Variants in KRT79 observed in about 807,000 individuals in gnomAD.
KRT79 encodes keratin 79.
Under a neutral mutation model 49.0 loss-of-function variants are expected in KRT79, and 51 were observed. The ratio of observed to expected loss-of-function variants is 1.04; its 90% CI spans 0.83 to 1.31. The LOEUF (loss-of-function observed/expected upper bound fraction) is 1.31. KRT79 is among the 40% of genes most tolerant of loss of function. KRT79 has a pLI of 0.00. For synonymous variants in KRT79, 312 were observed against 286.6 expected, an observed-to-expected ratio of 1.09 and a Z score of -0.90; for missense variants, 728 against 688.0, an observed-to-expected ratio of 1.06 and a Z score of -0.65.
In KRT79 at chr12:52,823,820, C is replaced by G. The variant is rs201910271; in HGVS notation, c.1146+67G>C. 1.9e-6 allele frequency: 3 copies of G among 1,548,512 alleles called. No individual in the cohort carries two copies. In the African/African-American group the frequency reaches 4.2e-5, roughly 21 times the overall value. On this transcript the variant is annotated intron_variant, in intron 6 of 8. Transcript: ENST00000330553. ...CAGGAGAAGAGCAGGCCTAGCCCCT[C>G]GGGGTGACAATGAGAAGGCCCTGCC...
At position 52,834,274 on chromosome 12, in the gene KRT79, C is replaced by T; in HGVS notation, c.-14G>A. ...GGAGGACCTCATAGCTGCAGAGGGG[C>T]CGGAGGGCAGGATGAGAGGGCAGGA... On this transcript the variant is annotated 5_prime_UTR_variant, in exon 1 of 9. Transcript: ENST00000330553. 3 of 1,603,342 alleles carry T rather than the reference C, an allele frequency of 1.9e-6. No individual in the cohort carries two copies. The highest frequency in any genetic ancestry group is 3.9e-4 in the Middle Eastern group (2 of 5,108).
At chr12:52,826,372 G>A (rs182898203) in intron 4 of KRT79, among the ~76,000 whole-genome samples, 10 of 152,006 alleles carry the variant, frequency 6.6e-5, no homozygotes, top group Admixed American at 2.0e-4. Flanking sequence ...AATTAGCCAG[G>A]CATGGTGACG....
intron 4 of KRT79, among the ~76,000 whole-genome samples, chr12:52,828,646 T>G (rs1477010614): frequency 6.6e-6 from 1 of 152,202 alleles, no homozygotes; most frequent in Non-Finnish European, 1.5e-5. Context: ...ATACAGGAAG[T>G]TGGAGGAGAG....
At chr12:52,824,118 G>A in intron 5 of KRT79, 80 bp downstream of exon 5, 1 of 1,611,974 alleles carries the variant, frequency 6.2e-7, no homozygotes, top group South Asian at 1.1e-5. Flanking sequence ...GACTCCAAGG[G>A]TCCCAGAGGC....
rs1940288394 is a variant in KRT79, at chr12:52,833,643, G to A, written c.477+141C>T. 1.9e-5 allele frequency: 14 copies of A among 755,914 alleles called. No homozygotes were observed. The East Asian group carries it at 2.7e-4, about 15-fold the overall frequency. 46.8% of individuals were successfully genotyped at this position (755,914 alleles called of 1,614,324 possible). A position where few individuals can be genotyped will look rare whatever the true frequency, so the allele number is the denominator to read the frequency against. On this transcript the variant is annotated intron_variant, in intron 1 of 8. Transcript: ENST00000330553. The stretch of plus-strand genomic sequence containing the variant: ...AGCCACCCACGTCTCGGCATCCCAG[G>A]CTCAGACCGGGAGAGCTCCAGAGCT...
At position 52,829,107 on chromosome 12, in the gene KRT79, T is replaced by C. The variant is rs137950247; in HGVS notation, c.855+916A>G. ...TGATAGGGTTATGTCAGGGATATCA[T>C]AGAAATTGTTCTTGCACTGGATGGA... On this transcript the variant is annotated intron_variant, in intron 4 of 8. Transcript: ENST00000330553. Among the ~76,000 whole-genome samples the C allele has an allele frequency of 5.9e-3, 892 of 152,336 alleles. 13 individuals are homozygous for C. The highest frequency in any genetic ancestry group is 0.02 in the African/African-American group (843 of 41,580).
Position 52,822,383 on chromosome 12 carries a change from G to A in KRT79, c.1368-4C>T, listed in dbSNP as rs773710863. ...ACTGGGACATTCTCCAGACATCCTAGGGGACACAGAAAGGCCAGGAGAGCA... is the reference window on the plus strand; with the variant it reads ...ACTGGGACATTCTCCAGACATCCTAAGGGACACAGAAAGGCCAGGAGAGCA... On this transcript the variant is annotated splice_polypyrimidine_tract_variant and splice_region_variant and intron_variant, in intron 7 of 8. Transcript: ENST00000330553. 12 of 1,587,292 alleles carry A rather than the reference G, an allele frequency of 7.6e-6. No individual in the cohort carries two copies. Among genetic ancestry groups the A allele is most frequent in the South Asian group, 1.2e-5 (1 of 86,242 alleles).
chr12:52,823,848 C>A (rs1940136485), intron 6 of KRT79, 39 bp downstream of exon 6: 2 of 1,592,722 alleles, frequency 1.3e-6, no homozygotes, highest in Non-Finnish European at 1.7e-6. Context: ...GCCCTGCCAA[C>A]ACCTAGGCCA....
At chr12:52,822,577 G>T (rs1478050148) in intron 7 of KRT79, among the ~76,000 whole-genome samples, 198 bp from the exon 8 acceptor site, 1 of 152,206 alleles carries the variant, frequency 6.6e-6, no homozygotes, top group East Asian at 1.9e-4. Context: ...CCACCAGTAG[G>T]CTGTGCCAAC....
intron 6 of KRT79, 99 bp downstream of exon 6, chr12:52,823,788 T>C (rs1026736063): frequency 2.2e-6 from 3 of 1,349,058 alleles, no homozygotes; most frequent in Non-Finnish European, 3.0e-6. Context: ...CATTCTATTG[T>C]GTCCGTCAGG....
Position 52,823,247 on chromosome 12 carries a change from G to C in KRT79, c.1147-11C>G. 1.2e-6 allele frequency: 2 copies of C among 1,612,850 alleles called. No individual in the cohort carries two copies. The highest frequency in any genetic ancestry group is 8.5e-7 in the Non-Finnish European group (1 of 1,179,046). On this transcript the variant is annotated splice_polypyrimidine_tract_variant and intron_variant, in intron 6 of 8. Transcript: ENST00000330553. ...CTGCAGCTGCTGACACTGCCCAGGG[G>C]AGAAAGGTGTTGGAAGCACCCTCCG...
intron 6 of KRT79, 51 bp downstream of exon 6, chr12:52,823,836 A>T (rs1223252275): frequency 6.3e-7 from 1 of 1,574,886 alleles, no homozygotes; most frequent in Non-Finnish European, 8.6e-7. Context: ...GACAATGAGA[A>T]GGCCCTGCCA....
At position 52,833,789 on chromosome 12, in the gene KRT79, C is replaced by G; in HGVS notation, c.472G>C (p.Asp158His). The G allele has an allele frequency of 1.2e-6, 2 of 1,613,196 alleles. No individual in the cohort carries two copies. The highest frequency in any genetic ancestry group is 1.7e-6 in the Non-Finnish European group (2 of 1,179,326). Residue 158 changes from aspartate to histidine, a missense_variant, in exon 1 of 9, where the codon GAC becomes CAC. Asp to His is a moderately conservative substitution (Grantham distance 81). Transcript: ENST00000330553. ...TLNNKFASFI[D>H]KVRFLEQQNK... ...CTCCTTCCTGCTTGGCCCACCTTGTCGATGAAGGAGGCGAACTTGTTGTTG... is the reference window on the plus strand; with the variant it reads ...CTCCTTCCTGCTTGGCCCACCTTGTGGATGAAGGAGGCGAACTTGTTGTTG...
In KRT79 at chr12:52,821,899, C is replaced by T. The variant is rs532176182; in HGVS notation, c.1581G>A (p.Thr527=). ...AGTSILRKTT[T]VKTSSQRY ...AATACCTCTGGCTGGACGTCTTGACCGTAGTGGTCTTCCGCAGGATGGAGG... is the reference window on the plus strand; with the variant it reads ...AATACCTCTGGCTGGACGTCTTGACTGTAGTGGTCTTCCGCAGGATGGAGG... The change falls in exon 9 of 9, where the codon ACG becomes ACA. Residue 527 remains threonine (T), a synonymous_variant. Coordinates refer to ENST00000330553, the MANE Select transcript of KRT79 (RefSeq NM_175834.3). 82 of 1,613,990 alleles carry T rather than the reference C, an allele frequency of 5.1e-5. No individual in the cohort carries two copies. The South Asian group carries it at 7.8e-4, about 15-fold the overall frequency.
Position 52,831,488 on chromosome 12 carries a change from G to A in KRT79, c.616C>T (p.Leu206=), listed in dbSNP as rs372644260. 69 of 1,614,140 alleles carry A rather than the reference G, an allele frequency of 4.3e-5. 1 individual carries two copies. The Admixed American group carries it at 1.1e-3, about 27-fold the overall frequency. Residue 206 remains leucine, a synonymous_variant, in exon 2 of 9, where the codon CTG becomes TTG. Coordinates refer to ENST00000330553, the MANE Select transcript of KRT79 (RefSeq NM_175834.3). ...CCCCGCTCGCTCTGAAGTCTGTCCA[G>A]CGTGCTCCGCATGCTACCCAGGTAG... ...EAYLGSMRST[L]DRLQSERGRL...
At chr12:52,830,909 A>G (rs1441430989) in intron 2 of KRT79, among the ~76,000 whole-genome samples, 1 of 152,204 alleles carries the variant, frequency 6.6e-6, no homozygotes, top group African/African-American at 2.4e-5. Flanking sequence ...AAAATTTTTT[A>G]GGTGTGATTA....
intron 7 of KRT79, 36 bp from the exon 8 acceptor site, chr12:52,822,415 T>G (rs1195056346): frequency 6.8e-7 from 1 of 1,472,342 alleles, no homozygotes; most frequent in South Asian, 1.3e-5. Flanking sequence ...AGCAGTCAGT[T>G]ATCCCTGGTG....
At chr12:52,830,373 C>T in intron 2 of KRT79, 81 bp from the exon 3 acceptor site, 1 of 1,170,758 alleles carries the variant, frequency 8.5e-7, no homozygotes, top group Non-Finnish European at 1.3e-6. Context: ...TTACAGAAGC[C>T]CTGATGGGTC....
Position 52,821,622 on chromosome 12 carries a change from ACCCC to A in KRT79, c.*246_*249del. 24 of 385,638 alleles carry A rather than the reference ACCCC, an allele frequency of 6.2e-5. No individual in the cohort carries two copies. The highest frequency in any genetic ancestry group is 3.6e-4 in the South Asian group (7 of 19,262). 23.9% of individuals were successfully genotyped at this position (385,638 alleles called of 1,614,324 possible). A position where few individuals can be genotyped will look rare whatever the true frequency, so the allele number is the denominator to read the frequency against. ...GCCTCCTCTCGGTGGTCAAAAGGTC[ACCCC>A]CAAGTCACCCAAGCACATCACTCAA... On this transcript the variant is annotated 3_prime_UTR_variant, in exon 9 of 9. Transcript: ENST00000330553.
Sources: allele counts gnomAD v4.1 joint callset (sites outside exome capture counted in the v4.1 genomes callset), GRCh38; gene constraint gnomAD v4.1.1; transcripts MANE v1.5; gene names NCBI Gene and HGNC (gene_info 2026-07-23, HGNC 2026-07-21).